Variants in CD99 observed in about 807,000 individuals in gnomAD.
The protein encoded by CD99 is CD99 molecule (Xg blood group).
A neutral mutation model predicts 28.4 loss-of-function variants in CD99; 19 were observed. The observed-to-expected ratio is 0.67, with a 90% confidence interval of 0.47 to 0.98. The LOEUF (loss-of-function observed/expected upper bound fraction) is 0.98. Among genes scored for constraint, CD99 ranks in the 50% least tolerant of loss-of-function variants. The pLI is 0.00. For missense variants in CD99, 283 were observed against 248.8 expected, an observed-to-expected ratio of 1.14 and a Z score of -0.92; for synonymous variants, 103 against 92.1, an observed-to-expected ratio of 1.12 and a Z score of -0.67.
At chrX:2,708,146 C>A (rs1462126331) in intron 1 of CD99, among the ~76,000 whole-genome samples, 2 of 148,120 alleles carry the variant, frequency 1.4e-5, no homozygotes, top group African/African-American at 5.1e-5. Context: ...GGGGGACTGC[C>A]TCCCTCACAC....
At chrX:2,717,678 C>G (rs377258286) in intron 3 of CD99, 26 bp downstream of exon 3, 1 of 1,604,782 alleles carries the variant, frequency 6.2e-7, no homozygotes, top group African/African-American at 1.3e-5. Flanking sequence ...TCCTAGTATG[C>G]AAAGAAAAAG....
intron 2 of CD99, chrX:2,714,748 C>A (rs1044110243): frequency 2.2e-5 from 7 of 317,456 alleles, no homozygotes; most frequent in Admixed American, 9.6e-5. Context: ...AAAAATGATG[C>A]CGAGAGTCTG....
chrX:2,731,447 A>G (rs1445412035), intron 8 of CD99, among the ~76,000 whole-genome samples: 4 of 152,152 alleles, frequency 2.6e-5, no homozygotes, highest in South Asian at 2.1e-4. Flanking sequence ...AAAATTAGCC[A>G]GGCATGGTGG....
intron 1 of CD99, among the ~76,000 whole-genome samples, chrX:2,699,490 A>C (rs1307571323): frequency 2.1e-5 from 3 of 142,486 alleles, no homozygotes; most frequent in African/African-American, 7.9e-5. Flanking sequence ...TTTTTTTTAA[A>C]TTACAGAGTC....
At chrX:2,716,082 G>A (rs764437983) in intron 2 of CD99, among the ~76,000 whole-genome samples, 24 of 149,536 alleles carry the variant, frequency 1.6e-4, no homozygotes, top group African/African-American at 4.9e-4. Context: ...GCAGTGGCAC[G>A]ATCTCGGCTC....
Position 2,733,410 on chromosome X carries a change from CCTGA to C in CD99, c.476-4788_476-4785del, listed in dbSNP as rs762472643. ...AACCCAGCCCAGGCCTGCGGAGCGT[CCTGA>C]CCGTAATCGTTTTATCTGCTAAGAC... is the stretch of plus-strand genomic sequence containing the variant. On this transcript the variant is annotated intron_variant, in intron 8 of 9. Transcript: ENST00000381192. 1.8e-5 allele frequency: 28 copies of C among 1,580,262 alleles called. No individual in the cohort carries two copies. The Admixed American group carries it at 5.1e-4, about 29-fold the overall frequency.
chrX:2,697,972 G>A (rs2047654385), intron 1 of CD99, among the ~76,000 whole-genome samples: 1 of 151,738 alleles, frequency 6.6e-6, no homozygotes, highest in African/African-American at 2.4e-5. Context: ...GTGCCGAGGT[G>A]GCAATGAAGG....
At chrX:2,708,451 C>A (rs1190167185) in intron 1 of CD99, among the ~76,000 whole-genome samples, 4 of 152,086 alleles carry the variant, frequency 2.6e-5, no homozygotes, top group African/African-American at 9.7e-5. Context: ...AGGCAGGGGA[C>A]AGACTGACAG....
chrX:2,720,950 T>G (rs1330987320), intron 5 of CD99, among the ~76,000 whole-genome samples: 3 of 152,160 alleles, frequency 2.0e-5, no homozygotes, highest in Non-Finnish European at 4.4e-5. Flanking sequence ...TGTTTCCAAG[T>G]TCCATCTTAT....
At chrX:2,703,321 G>A (rs2047956015) in intron 1 of CD99, among the ~76,000 whole-genome samples, 1 of 152,102 alleles carries the variant, frequency 6.6e-6, no homozygotes. Flanking sequence ...ATGGTCTCAC[G>A]GGGAAAATAC....
At chrX:2,706,921 A>G (rs2048147752) in intron 1 of CD99, among the ~76,000 whole-genome samples, 1 of 151,822 alleles carries the variant, frequency 6.6e-6, no homozygotes, top group Non-Finnish European at 1.5e-5. Context: ...CCCGGGTTCA[A>G]GCGATTCTCC....
At chrX:2,708,163 G>C (rs1332605261) in intron 1 of CD99, among the ~76,000 whole-genome samples, 1 of 152,042 alleles carries the variant, frequency 6.6e-6, no homozygotes, top group Non-Finnish European at 1.5e-5. Flanking sequence ...ACACACACCT[G>C]GGGAACTGCA....
At chrX:2,740,727 G>A in intron 9 of CD99, 52 bp from the exon 10 acceptor site, 21 of 1,598,716 alleles carry the variant, frequency 1.3e-5, no homozygotes, top group Non-Finnish European at 1.5e-5. Flanking sequence ...CTGTGTCCAC[G>A]TGAGTGCTCA....
chrX:2,738,139 T>A, intron 8 of CD99, 61 bp from the exon 9 acceptor site: 1 of 1,471,018 alleles, frequency 6.8e-7, no homozygotes, highest in Non-Finnish European at 9.5e-7. Flanking sequence ...TTTGTGTGTA[T>A]TTTGAGGAGT....
intron 1 of CD99, among the ~76,000 whole-genome samples, chrX:2,708,249 T>C (rs1603268701): frequency 6.6e-6 from 1 of 152,140 alleles, no homozygotes; most frequent in African/African-American, 2.4e-5. Context: ...CAGTACCAGA[T>C]TCCACCAGGG....
intron 1 of CD99, among the ~76,000 whole-genome samples, chrX:2,703,821 C>G (rs2047993837): frequency 6.6e-6 from 1 of 151,972 alleles, no homozygotes; most frequent in Non-Finnish European, 1.5e-5. Context: ...GTGCTGAGGC[C>G]CCTAAGTCAG....
intron 7 of CD99, among the ~76,000 whole-genome samples, chrX:2,724,587 G>C (rs1274457117): frequency 6.6e-6 from 1 of 152,024 alleles, no homozygotes; most frequent in Non-Finnish European, 1.5e-5. Flanking sequence ...TGGCCAACAT[G>C]GTGAAACCCC....
At chrX:2,705,457 T>A (rs1170612306) in intron 1 of CD99, among the ~76,000 whole-genome samples, 2 of 152,230 alleles carry the variant, frequency 1.3e-5, no homozygotes, top group African/African-American at 4.8e-5. Context: ...TTTTAAATGA[T>A]GTGTTTATTT....
intron 8 of CD99, among the ~76,000 whole-genome samples, chrX:2,730,988 C>G (rs2049575521): frequency 6.6e-6 from 1 of 151,082 alleles, no homozygotes; most frequent in South Asian, 2.1e-4. Flanking sequence ...CTATAAATAC[C>G]AAGACCCTAC....
Sources: allele counts gnomAD v4.1 joint callset (sites outside exome capture counted in the v4.1 genomes callset), GRCh38; gene constraint gnomAD v4.1.1; transcripts MANE v1.5; gene names NCBI Gene and HGNC (gene_info 2026-07-23, HGNC 2026-07-21).